Variants in ATP13A2 observed in about 807,000 individuals in gnomAD.
The protein encoded by ATP13A2 is polyamine-transporting ATPase 13A2.
ATP13A2 carries 83 observed loss-of-function variants against 138.3 expected under a neutral mutation model. The ratio of observed to expected loss-of-function variants is 0.60; its 90% CI spans 0.50 to 0.72. The LOEUF (loss-of-function observed/expected upper bound fraction) is 0.72. Among genes scored for constraint, ATP13A2 ranks in the 30% least tolerant of loss-of-function variants. The pLI is 0.00. For synonymous variants in ATP13A2, 663 were observed against 699.0 expected (o/e 0.95, Z 0.81); for missense variants, 1,402 against 1,606.4 (o/e 0.87, Z 2.17).
rs1361387565 is a variant in ATP13A2, at chr1:16,996,932, G to A, written c.1195+88C>T. 61 of 1,513,930 alleles carry A rather than the reference G, an allele frequency of 4.0e-5. 1 individual carries two copies. The highest frequency in any genetic ancestry group is 1.5e-4 in the East Asian group (6 of 41,156). The allele number at this position is 1,513,930 out of a possible 1,614,324, so 93.8% of individuals were successfully genotyped here. A position where few individuals can be genotyped will look rare whatever the true frequency, so the allele number is the denominator to read the frequency against. On this transcript the variant is annotated intron_variant, in intron 12 of 28. Coordinates refer to ENST00000326735, the MANE Select transcript of ATP13A2 (RefSeq NM_022089.4). Reference sequence around the variant, plus strand: ...GCAGCAGAGGTGGGCGTGGGGTCCAGGGTTCCAGGTCCCACCCTGCCTCAC... The same window carrying A: ...GCAGCAGAGGTGGGCGTGGGGTCCAAGGTTCCAGGTCCCACCCTGCCTCAC...
rs1424800248 is a variant in ATP13A2 at position 17,005,034 on chromosome 1, A to G, written c.327T>C (p.Thr109=). ...CTCACCTGCCCTCGCCGATGGCCTCAGTCTGCACCTGGACAGTGAAGAGCT... is the reference window on the plus strand; with the variant it reads ...CTCACCTGCCCTCGCCGATGGCCTCGGTCTGCACCTGGACAGTGAAGAGCT... ...SWQLFTVQVQ[T]EAIGEGSLEP... Residue 109 remains threonine, a synonymous_variant, in exon 4 of 29, where the codon ACT becomes ACC. Transcript: ENST00000326735. 1 of 1,614,102 alleles carries G rather than the reference A, an allele frequency of 6.2e-7. No individual in the cohort carries two copies.
chr1:17,010,027 T>TG (rs931132481), intron 1 of ATP13A2, among the ~76,000 whole-genome samples: 26 of 152,062 alleles, frequency 1.7e-4, no homozygotes, highest in Admixed American at 5.9e-4. Flanking sequence ...ACAGGCTGTG[T>TG]GGGGGGGCGA....
chr1:16,986,810 G>T lies in ATP13A2; in HGVS notation c.3230C>A (p.Thr1077Asn). 1 of 1,613,184 alleles carries T rather than the reference G, an allele frequency of 6.2e-7. No individual in the cohort carries two copies. Among genetic ancestry groups the T allele is most frequent in the African/African-American group, 1.3e-5 (1 of 75,016 alleles). ...GCCCGCGCCCGCAGTGGCACCATTG[G>T]TGTAGAGCGGCCGGCGGAAGGGCGC... ...KGAPFRRPLYTNVPFLVALAL... is the reference protein window; with the variant it reads ...KGAPFRRPLYNNVPFLVALAL... Residue 1077 changes from threonine to asparagine, a missense_variant, in exon 27 of 29, where the codon ACC becomes AAC. Transcript: ENST00000326735. The surrounding 1 kb of genome is among the most constrained non-coding windows in gnomAD (Gnocchi z 6.9).
At chr1:16,994,526 C>G (rs998489578) in intron 15 of ATP13A2, among the ~76,000 whole-genome samples, 15 of 152,088 alleles carry the variant, frequency 9.9e-5, no homozygotes, top group African/African-American at 3.4e-4. Flanking sequence ...AGCCACCACG[C>G]CCAGCCTCAA....
intron 15 of ATP13A2, among the ~76,000 whole-genome samples, chr1:16,994,132 C>T (rs1332018288): frequency 2.0e-5 from 3 of 152,300 alleles, no homozygotes; most frequent in Non-Finnish European, 4.4e-5. Context: ...ATGGCCTCTT[C>T]ACTTCCCCAC....
At position 16,986,705 on chromosome 1, in the gene ATP13A2, T is replaced by G; in HGVS notation, c.3236-73A>C. On this transcript the variant is annotated intron_variant, in intron 27 of 28. Coordinates refer to ENST00000326735, the MANE Select transcript of ATP13A2 (RefSeq NM_022089.4). The surrounding 1 kb of genome is among the most constrained non-coding windows in gnomAD (Gnocchi z 6.9). ...CCACAGACACACGTGTGCACGCCAG[T>G]CTTCCACTCGGCCGGCACCTCTCTC... is the stretch of plus-strand genomic sequence containing the variant. 6.4e-7 allele frequency: 1 copy of G among 1,568,832 alleles called. No individual in the cohort carries two copies. Among genetic ancestry groups the G allele is most frequent in the East Asian group, 2.3e-5 (1 of 42,626 alleles).
intron 8 of ATP13A2, among the ~76,000 whole-genome samples, chr1:17,001,288 C>T (rs75789303): frequency 4.3e-5 from 5 of 117,344 alleles, no homozygotes; most frequent in Non-Finnish European, 8.6e-5. Context: ...ATTAGCTGGG[C>T]GTGGTGGCAG....
At chr1:16,991,009 G>C (rs1396083423) in intron 20 of ATP13A2, among the ~76,000 whole-genome samples, 4 of 151,650 alleles carry the variant, frequency 2.6e-5, no homozygotes, top group African/African-American at 9.7e-5. Flanking sequence ...GAGTGAAATG[G>C]CGTGATCTCA....
Position 16,996,288 on chromosome 1 carries a change from G to C in ATP13A2, c.1319C>G (p.Thr440Ser). 3 of 1,614,204 alleles carry C rather than the reference G, an allele frequency of 1.9e-6. No homozygotes were observed. Among genetic ancestry groups the C allele is most frequent in the Non-Finnish European group, 2.5e-6 (3 of 1,180,050 alleles). ...AALSVLALLG[T>S]IYSIFILYRN... The stretch of plus-strand genomic sequence containing the variant: ...GTAGAGGATGAAGATGCTGTAGATG[G>C]TGCCGAGGAGAGCTGTGGGGACAGC... The change falls in exon 14 of 29, where the codon ACC becomes AGC. Residue 440 changes from threonine to serine, a missense_variant. By Grantham distance (58) the Thr-to-Ser change is moderately conservative (BLOSUM62 1). Transcript: ENST00000326735.
chr1:16,985,970 T>C lies in ATP13A2; in HGVS notation c.*251A>G, dbSNP rs535432261. The C allele has an allele frequency of 2.3e-4, 337 of 1,441,606 alleles. 4 individuals are homozygous for C. The highest frequency in any genetic ancestry group is 5.1e-5 in the East Asian group (2 of 39,192). The allele number at this position is 1,441,606 out of a possible 1,614,324, so 89.3% of individuals were successfully genotyped here. A position where few individuals can be genotyped will look rare whatever the true frequency, so the allele number is the denominator to read the frequency against. The stretch of plus-strand genomic sequence containing the variant: ...CAGGCACAGCAGAGCCAGGAAAATA[T>C]CATGACTTTATTTGCTACACTGACA... On this transcript the variant is annotated 3_prime_UTR_variant, in exon 29 of 29. Transcript: ENST00000326735.
At chr1:16,998,174 G>A (rs1165790442) in intron 11 of ATP13A2, among the ~76,000 whole-genome samples, 1 of 152,184 alleles carries the variant, frequency 6.6e-6, no homozygotes, top group African/African-American at 2.4e-5. Context: ...CTCAGGGCGT[G>A]TGCCCACAAA....
At chr1:17,000,219 C>G in intron 10 of ATP13A2, 27 bp downstream of exon 10, 1 of 1,554,432 alleles carries the variant, frequency 6.4e-7, no homozygotes, top group East Asian at 2.4e-5. Flanking sequence ...CACTCCTGCC[C>G]CCGCCCCCTG....
intron 16 of ATP13A2, among the ~76,000 whole-genome samples, chr1:16,992,846 A>G (rs1423554020): frequency 2.6e-5 from 4 of 152,280 alleles, no homozygotes; most frequent in African/African-American, 9.6e-5. Context: ...GGAAGAGGAA[A>G]TGAGACCAGG....
Position 16,996,412 on chromosome 1 carries a change from T to C in ATP13A2, c.1280A>G (p.Lys427Arg). 1 of 1,614,102 alleles carries C rather than the reference T, an allele frequency of 6.2e-7. No individual in the cohort carries two copies. The highest frequency in any genetic ancestry group is 8.5e-7 in the Non-Finnish European group (1 of 1,180,022). ...INFKFYKHSMKFVAALSVLAL... is the reference protein window; with the variant it reads ...INFKFYKHSMRFVAALSVLAL... The stretch of plus-strand genomic sequence containing the variant: ...CAGGACAGAGAGGGCAGCCACAAAC[T>C]TCATGCTGTGTTTATAGAACTTGAA... Residue 427 changes from lysine to arginine, a missense_variant, in exon 13 of 29, where the codon AAG (lysine) becomes AGG (arginine). Coordinates refer to ENST00000326735, the MANE Select transcript of ATP13A2 (RefSeq NM_022089.4).
chr1:16,987,126 C>G lies in ATP13A2; in HGVS notation c.3003G>C (p.Val1001=), dbSNP rs778144698. 2.5e-6 allele frequency: 4 copies of G among 1,613,016 alleles called. No individual in the cohort carries two copies. In the East Asian group the frequency reaches 8.9e-5, roughly 36 times the overall value. The change falls in exon 26 of 29, where the codon GTG becomes GTC. Residue 1001 remains valine, a synonymous_variant. Coordinates refer to ENST00000326735, the MANE Select transcript of ATP13A2 (RefSeq NM_022089.4). ...RPPGALLSVP[V]LSSLLLQMVL... ...CCATCTGCAGCAGCAGGCTGCTGAG[C>G]ACGGGCACGCTGAGCAGCGCCCCCG...
intron 11 of ATP13A2, among the ~76,000 whole-genome samples, chr1:16,998,501 T>C (rs1010776876): frequency 2.0e-5 from 3 of 152,116 alleles, no homozygotes; most frequent in African/African-American, 7.2e-5. Context: ...CCACTGCGCC[T>C]GGCCTACGAT....
rs767520917 is a variant in ATP13A2, at chr1:17,002,329, C to A, written c.602G>T (p.Arg201Leu). Residue 201 changes from arginine (R) to leucine (L), a missense_variant, in exon 7 of 29, where the codon CGC becomes CTC. Coordinates refer to ENST00000326735, the MANE Select transcript of ATP13A2 (RefSeq NM_022089.4). ...GRSCDDVHRS[R>L]HGLSLQDQMV... ...TTGGTCCTGGAGGCTGAGGCCATGGCGGGAGCGGTGGACGTCGTCACAAGA... is the reference window on the plus strand; with the variant it reads ...TTGGTCCTGGAGGCTGAGGCCATGGAGGGAGCGGTGGACGTCGTCACAAGA... 1.2e-5 allele frequency: 20 copies of A among 1,613,444 alleles called. No homozygotes were observed. The East Asian group carries it at 2.2e-4, about 18-fold the overall frequency.
At position 16,996,717 on chromosome 1, in the gene ATP13A2, T is replaced by A. The variant is rs1261537101; in HGVS notation, c.1196-221A>T. On this transcript the variant is annotated intron_variant, in intron 12 of 28. Coordinates refer to ENST00000326735, the MANE Select transcript of ATP13A2 (RefSeq NM_022089.4). The stretch of plus-strand genomic sequence containing the variant: ...GGATAGCATCTAAACACTGGGTGGT[T>A]CCACTGAAAATCCAGACACAGGGAA... 10 of 617,594 alleles carry A rather than the reference T, an allele frequency of 1.6e-5. No individual in the cohort carries two copies. The Admixed American group carries it at 2.3e-4, about 14-fold the overall frequency. 38.3% of individuals were successfully genotyped at this position (617,594 alleles called of 1,614,324 possible). A position where few individuals can be genotyped will look rare whatever the true frequency, so the allele number is the denominator to read the frequency against.
Position 17,011,355 on chromosome 1 carries a change from C to T in ATP13A2, c.10+374G>A, listed in dbSNP as rs924636689. Among the ~76,000 whole-genome samples the T allele has an allele frequency of 6.6e-6, 1 of 152,300 alleles. No homozygotes were observed. Among genetic ancestry groups the T allele is most frequent in the East Asian group, 1.9e-4 (1 of 5,166 alleles). On this transcript the variant is annotated intron_variant, in intron 1 of 28. Transcript: ENST00000326735. This position sits in a 1 kb window ranked among gnomAD's most constrained non-coding sequence, Gnocchi z 7.3. Reference sequence around the variant, plus strand: ...AGGCCCGAGGATGCAGCCGTCTCCCCCACCTGGACATCCGTCACTCGGGGT... The same window carrying T: ...AGGCCCGAGGATGCAGCCGTCTCCCTCACCTGGACATCCGTCACTCGGGGT...
Sources: allele counts gnomAD v4.1 joint callset (sites outside exome capture counted in the v4.1 genomes callset), GRCh38; gene constraint gnomAD v4.1.1; non-coding constraint Gnocchi (gnomAD v3.1); transcripts MANE v1.5; gene names NCBI Gene and HGNC (gene_info 2026-07-23, HGNC 2026-07-21).